Variants in FSTL4 observed in about 807,000 individuals in gnomAD.
FSTL4 encodes follistatin-related protein 4.
A neutral mutation model predicts 78.2 loss-of-function variants in FSTL4; 28 were observed. That is an observed-to-expected ratio of 0.36 (90% CI 0.27 to 0.49). The LOEUF (loss-of-function observed/expected upper bound fraction) is 0.49, where lower values mean the gene tolerates loss of function less well. Ranked by LOEUF, FSTL4 falls within the 20% of genes least tolerant of loss-of-function variation. The pLI is 0.98. For synonymous variants in FSTL4, 422 were observed against 440.5 expected, an observed-to-expected ratio of 0.96 and a Z score of 0.53; for missense variants, 922 against 1,084.9, an observed-to-expected ratio of 0.85 and a Z score of 2.11.
chr5:133,202,177 A>G (rs922310514), intron 14 of FSTL4, 135 bp from the exon 15 acceptor site: 12 of 559,766 alleles, frequency 2.1e-5, no homozygotes, highest in Middle Eastern at 3.4e-4. Context: ...CCTCAATCTC[A>G]GGGAAGAGGC....
At chr5:133,308,309 T>C (rs766830370) in intron 6 of FSTL4, among the ~76,000 whole-genome samples, 3 of 152,192 alleles carry the variant, frequency 2.0e-5, no homozygotes, top group Non-Finnish European at 4.4e-5. Flanking sequence ...GCTCTCCAAA[T>C]TCAAGAGCCA....
chr5:133,333,635 A>G (rs1181308902), intron 4 of FSTL4, among the ~76,000 whole-genome samples: 1 of 152,190 alleles, frequency 6.6e-6, no homozygotes, highest in African/African-American at 2.4e-5. Context: ...AGGGAACACA[A>G]AGATGGGATT....
the FSTL4 span, among the ~76,000 whole-genome samples, chr5:133,734,010 C>G: frequency 6.6e-6 from 1 of 152,226 alleles, no homozygotes; most frequent in Non-Finnish European, 1.5e-5. Flanking sequence ...CAACAGAGAA[C>G]TCTCTGAGAG....
At chr5:133,549,062 T>C (rs73788144) in intron 3 of FSTL4, among the ~76,000 whole-genome samples, 2,552 of 152,322 alleles carry the variant, frequency 0.017, 72 homozygotes, top group African/African-American at 0.057. Flanking sequence ...AAGTTTTTGT[T>C]GTAGATAGCC....
chr5:133,534,782 A>C (rs1759319682), intron 3 of FSTL4, among the ~76,000 whole-genome samples: 4 of 152,100 alleles, frequency 2.6e-5, no homozygotes, highest in Admixed American at 2.6e-4. Context: ...TCACATCCCC[A>C]GCTGTCCCCA....
At chr5:133,322,980 C>T (rs1053059450) in intron 4 of FSTL4, among the ~76,000 whole-genome samples, 1 of 152,174 alleles carries the variant, frequency 6.6e-6, no homozygotes, top group African/African-American at 2.4e-5. Context: ...TGCAGCATTA[C>T]AGTATGAAAT....
rs1750196309 is a variant in FSTL4, at chr5:133,198,085, C to T, written c.*1010G>A. ...TTTTGAAAAGGTATAGCTTCAGGAACTCACCTGGCCCCACTCGTGTCCTTG... is the reference window on the plus strand; with the variant it reads ...TTTTGAAAAGGTATAGCTTCAGGAATTCACCTGGCCCCACTCGTGTCCTTG... On this transcript the variant is annotated 3_prime_UTR_variant, in exon 16 of 16. Coordinates refer to ENST00000265342, the MANE Select transcript of FSTL4 (RefSeq NM_015082.2). 1 of 152,706 alleles carries T rather than the reference C, an allele frequency of 6.5e-6. No homozygotes were observed. The allele number at this position is 152,706 out of a possible 1,614,324, so 9.5% of individuals were successfully genotyped here.
At position 133,274,380 on chromosome 5, in the gene FSTL4, CT is replaced by C. The variant is rs59634629; in HGVS notation, c.728-24805del. Among the ~76,000 whole-genome samples, 32 of 71,018 alleles carry C rather than the reference CT, an allele frequency of 4.5e-4. 1 individual carries two copies. The highest frequency in any genetic ancestry group is 1.5e-3 in the Admixed American group (6 of 4,078). The allele number at this position is 71,018 out of a possible 152,430, so 46.6% of individuals were successfully genotyped here. A position where few individuals can be genotyped will look rare whatever the true frequency, so the allele number is the denominator to read the frequency against. Reference sequence around the variant, plus strand: ...ATTCTCAGAAAAAGGGCAATCTGTGCTTTTTTTTTTTTTTTTAGGAGAACAG... The same window carrying C: ...ATTCTCAGAAAAAGGGCAATCTGTGCTTTTTTTTTTTTTTTAGGAGAACAG... On this transcript the variant is annotated intron_variant, in intron 6 of 15. Coordinates refer to ENST00000265342, the MANE Select transcript of FSTL4 (RefSeq NM_015082.2).
the FSTL4 span, among the ~76,000 whole-genome samples, chr5:133,787,316 T>C: frequency 3.2e-4 from 49 of 152,326 alleles, no homozygotes; most frequent in Non-Finnish European, 5.3e-4. Context: ...AGGACTGTGC[T>C]AGGATTGGGA....
intron 4 of FSTL4, among the ~76,000 whole-genome samples, chr5:133,335,672 C>A (rs1240050050): frequency 1.4e-5 from 2 of 146,122 alleles, no homozygotes; most frequent in African/African-American, 5.1e-5. Context: ...GCTCTCCCCT[C>A]CCCTTTCTTG....
At chr5:133,334,851 C>T (rs1754429069) in intron 4 of FSTL4, among the ~76,000 whole-genome samples, 1 of 152,086 alleles carries the variant, frequency 6.6e-6, no homozygotes, top group Non-Finnish European at 1.5e-5. Flanking sequence ...CCCAGGGCTG[C>T]CAGGAGGCCT....
intron 11 of FSTL4, among the ~76,000 whole-genome samples, chr5:133,222,339 G>GTT (rs1295691669): frequency 1.3e-5 from 2 of 152,142 alleles, no homozygotes; most frequent in African/African-American, 4.8e-5. Context: ...CCAAGAGTCA[G>GTT]TCTTAGCTCC....
intron 3 of FSTL4, among the ~76,000 whole-genome samples, chr5:133,487,613 G>A (rs1363950443): frequency 6.6e-6 from 1 of 152,142 alleles, no homozygotes; most frequent in African/African-American, 2.4e-5. Flanking sequence ...TTTCAGCACG[G>A]TGCCTAGTTG....
At chr5:133,829,009 C>T in the FSTL4 span, among the ~76,000 whole-genome samples, 3 of 152,134 alleles carry the variant, frequency 2.0e-5, no homozygotes, top group Admixed American at 6.5e-5. Flanking sequence ...CAGAGCCTCC[C>T]GGGGCCACGT....
At chr5:133,625,486 T>A in the FSTL4 span, among the ~76,000 whole-genome samples, 1 of 151,272 alleles carries the variant, frequency 6.6e-6, no homozygotes, top group Non-Finnish European at 1.5e-5. Context: ...GTATTGGTAA[T>A]CTGTGCCTTC....
chr5:133,604,737 T>C (rs1760941040), intron 1 of FSTL4, among the ~76,000 whole-genome samples: 1 of 152,176 alleles, frequency 6.6e-6, no homozygotes, highest in Non-Finnish European at 1.5e-5. Context: ...TTAAGAATTA[T>C]GTTACATCTC....
At chr5:133,404,163 C>T (rs896636307) in intron 3 of FSTL4, among the ~76,000 whole-genome samples, 1 of 152,228 alleles carries the variant, frequency 6.6e-6, no homozygotes, top group African/African-American at 2.4e-5. Flanking sequence ...AATGGCCCCA[C>T]AGAGGGCTGA....
the FSTL4 span, among the ~76,000 whole-genome samples, chr5:133,691,344 T>C: frequency 6.6e-6 from 1 of 152,024 alleles, no homozygotes; most frequent in Non-Finnish European, 1.5e-5. Context: ...TAATGTCTTC[T>C]CTCCAGGGTC....
intron 3 of FSTL4, among the ~76,000 whole-genome samples, chr5:133,423,324 G>A (rs368865229): frequency 6.6e-6 from 1 of 152,170 alleles, no homozygotes; most frequent in Non-Finnish European, 1.5e-5. Context: ...GCATCCAGGC[G>A]GTACCTCGTG....
Sources: gnomAD v4.1 joint callset for allele counts (sites outside exome capture counted in the v4.1 genomes callset) on GRCh38, gnomAD v4.1.1 for gene constraint, MANE v1.5 for transcripts, NCBI Gene and HGNC (gene_info 2026-07-23, HGNC 2026-07-21) for gene names.